Variants in ZMYM6 observed in about 807,000 individuals in gnomAD.
ZMYM6 encodes zinc finger MYM-type protein 6.
Under a neutral mutation model 134.0 loss-of-function variants are expected in ZMYM6, and 90 were observed. The ratio of observed to expected loss-of-function variants is 0.67; its 90% CI spans 0.57 to 0.80. The LOEUF (loss-of-function observed/expected upper bound fraction) is 0.80, where lower values mean the gene tolerates loss of function less well. Ranked by LOEUF, ZMYM6 falls within the 30% of genes least tolerant of loss-of-function variation. The pLI, the probability that ZMYM6 is intolerant of heterozygous loss-of-function variation, is 0.00. For missense variants in ZMYM6, 1,362 were observed against 1,533.9 expected, an observed-to-expected ratio of 0.89 and a Z score of 1.87; for synonymous variants, 481 against 524.1, an observed-to-expected ratio of 0.92 and a Z score of 1.12.
Position 35,023,456 on chromosome 1 carries a change from T to C in ZMYM6, c.94-2989A>G, listed in dbSNP as rs139865093. Among the ~76,000 whole-genome samples the C allele has an allele frequency of 1.7e-3, 263 of 152,306 alleles. 1 individual carries two copies. Among genetic ancestry groups the C allele is most frequent in the African/African-American group, 5.9e-3 (247 of 41,554 alleles). ...TATTAGTTTCATAACTGGCATTTAATAAATACTTGCTAAATGAAGGAATCT... is the reference window on the plus strand; with the variant it reads ...TATTAGTTTCATAACTGGCATTTAACAAATACTTGCTAAATGAAGGAATCT... On this transcript the variant is annotated intron_variant, in intron 2 of 15. Coordinates refer to ENST00000357182, the MANE Select transcript of ZMYM6 (RefSeq NM_007167.4).
intron 15 of ZMYM6, chr1:34,989,156 G>A (rs1308601641): frequency 7.6e-7 from 1 of 1,317,012 alleles, no homozygotes; most frequent in Admixed American, 3.6e-5. Flanking sequence ...TAATAAAACT[G>A]TAGGATGTGG....
At chr1:35,012,907 G>T (rs1222237605) in intron 6 of ZMYM6, 16 of 984,914 alleles carry the variant, frequency 1.6e-5, no homozygotes, top group Non-Finnish European at 1.4e-5. Flanking sequence ...TGAACCAAAG[G>T]GTCATTCTTG....
At chr1:34,991,975 A>T (rs890407649) in intron 15 of ZMYM6, 21 of 281,030 alleles carry the variant, frequency 7.5e-5, no homozygotes, top group South Asian at 1.9e-4. Flanking sequence ...CGCAGTATTT[A>T]AAAAAAAAAA....
chr1:35,003,446 T>C (rs1487209930), intron 14 of ZMYM6, among the ~76,000 whole-genome samples: 3 of 152,224 alleles, frequency 2.0e-5, no homozygotes, highest in African/African-American at 7.2e-5. Flanking sequence ...ATATTTTTAC[T>C]TTGCACTATT....
chr1:35,029,208 C>T (rs182138848), intron 2 of ZMYM6, among the ~76,000 whole-genome samples: 5,387 of 152,136 alleles, frequency 0.035, 341 homozygotes, highest in African/African-American at 0.12. Flanking sequence ...TAATGGCTAT[C>T]TACTGCTCTT....
chr1:35,008,734 G>T lies in ZMYM6; in HGVS notation c.1665+18C>A. The T allele has an allele frequency of 6.3e-7, 1 of 1,597,370 alleles. No individual in the cohort carries two copies. The highest frequency in any genetic ancestry group is 1.1e-5 in the South Asian group (1 of 87,686). On this transcript the variant is annotated intron_variant, in intron 11 of 15. Transcript: ENST00000357182. ...CACTGATTTCAGAAAGCCAAAAAAA[G>T]TATATTATCACATTTACCTGATAAA...
intron 2 of ZMYM6, among the ~76,000 whole-genome samples, chr1:35,024,279 T>A (rs4604660): frequency 0.22 from 32,803 of 152,202 alleles, 8,417 homozygotes; most frequent in African/African-American, 0.61. Flanking sequence ...ACACTTATAG[T>A]AAAAATCACC....
chr1:34,992,499 C>CT, intron 14 of ZMYM6, 112 bp from the exon 15 acceptor site: 2 of 1,179,618 alleles, frequency 1.7e-6, no homozygotes, highest in Non-Finnish European at 2.3e-6. Context: ...TATAATTCCT[C>CT]TGAAAGAGTG....
chr1:35,019,048 TTAAA>T, intron 4 of ZMYM6: 1 of 510,874 alleles, frequency 2.0e-6, no homozygotes, highest in Non-Finnish European at 3.4e-6. Context: ...AAGATAACTG[TTAAA>T]TAAATTTAAA....
intron 10 of ZMYM6, among the ~76,000 whole-genome samples, chr1:35,009,966 A>AAAAGATTGACTT (rs1641054694): frequency 6.6e-6 from 1 of 152,188 alleles, no homozygotes; most frequent in Non-Finnish European, 1.5e-5. Flanking sequence ...ATAATAAATA[A>AAAAGATTGACTT]AAAGATTGAC....
At chr1:35,006,417 C>T (rs866887327) in intron 12 of ZMYM6, among the ~76,000 whole-genome samples, 1 of 152,098 alleles carries the variant, frequency 6.6e-6, no homozygotes, top group South Asian at 2.1e-4. Context: ...ATTAGCTGTC[C>T]TACTTGCAAA....
At chr1:35,023,326 C>G (rs572306118) in intron 2 of ZMYM6, among the ~76,000 whole-genome samples, 1 of 152,010 alleles carries the variant, frequency 6.6e-6, no homozygotes, top group Admixed American at 6.5e-5. Flanking sequence ...AGGCTGGTCT[C>G]GAACTCCTGA....
rs1282588083 is a variant in ZMYM6 at position 35,008,942 on chromosome 1, G to A, written c.1493-18C>T. On this transcript the variant is annotated intron_variant, in intron 10 of 15. Coordinates refer to ENST00000357182, the MANE Select transcript of ZMYM6 (RefSeq NM_007167.4). ...TTTGCAAACTGAGGATCAGAGGGAT[G>A]AAAGGAAGAAAAATCAAATTTACAT... 2 of 1,596,606 alleles carry A rather than the reference G, an allele frequency of 1.3e-6. No individual in the cohort carries two copies. Among genetic ancestry groups the A allele is most frequent in the Non-Finnish European group, 1.7e-6 (2 of 1,172,206 alleles).
At chr1:34,991,051 A>G (rs932755338) in intron 15 of ZMYM6, among the ~76,000 whole-genome samples, 2 of 152,100 alleles carry the variant, frequency 1.3e-5, no homozygotes, top group Admixed American at 1.3e-4. Context: ...TTTAGTAGAG[A>G]TGGGGTTTCA....
chr1:35,009,634 TAAA>T (rs988808450), intron 10 of ZMYM6, among the ~76,000 whole-genome samples: 4 of 152,132 alleles, frequency 2.6e-5, no homozygotes, highest in Non-Finnish European at 5.9e-5. Context: ...CTGCAACATT[TAAA>T]AAGACTGACT....
chr1:35,027,763 T>C (rs1476293866), intron 2 of ZMYM6, among the ~76,000 whole-genome samples: 2 of 151,646 alleles, frequency 1.3e-5, no homozygotes, highest in Non-Finnish European at 2.9e-5. Context: ...AATAATGAAA[T>C]ATAGAAGAAC....
At position 35,006,943 on chromosome 1, in the gene ZMYM6, A is replaced by T. The variant is rs1284817477; in HGVS notation, c.1813+8T>A. ...CATAAAAATCCCATTAGCTAAGTTT[A>T]ATTTTACCTTTATTTTGTGGAAGAC... On this transcript the variant is annotated splice_region_variant and intron_variant, in intron 12 of 15. Coordinates refer to ENST00000357182, the MANE Select transcript of ZMYM6 (RefSeq NM_007167.4). The T allele has an allele frequency of 6.2e-7, 1 of 1,607,308 alleles. No homozygotes were observed. The highest frequency in any genetic ancestry group is 8.5e-7 in the Non-Finnish European group (1 of 1,177,052).
intron 3 of ZMYM6, 122 bp downstream of exon 3, chr1:35,020,261 A>G: frequency 1.2e-6 from 1 of 804,616 alleles, no homozygotes; most frequent in South Asian, 2.5e-5. Context: ...AGCTACTCAC[A>G]GTTTGAAAAA....
rs1640607012 is a variant in ZMYM6, at chr1:34,988,250, AAAT to A, written c.2829_2831del (p.Leu943del). ...TTATTTGAGTAGGCATTTCAATGCA[AAAT>A]AATAATTCTTCTTTTACATCACGAC... On this transcript the variant is annotated inframe_deletion, in exon 16 of 16. Coordinates refer to ENST00000357182, the MANE Select transcript of ZMYM6 (RefSeq NM_007167.4). 6.5e-7 allele frequency: 1 copy of A among 1,550,196 alleles called. No homozygotes were observed.
Sources: allele counts gnomAD v4.1 joint callset (sites outside exome capture counted in the v4.1 genomes callset), GRCh38; gene constraint gnomAD v4.1.1; transcripts MANE v1.5; gene names NCBI Gene and HGNC (gene_info 2026-07-23, HGNC 2026-07-21).